Variants in PAK3 observed in about 807,000 individuals in gnomAD.
PAK3 encodes the protein p21 (RAC1) activated kinase 3.
In PAK3, 4 loss-of-function variants were observed where a neutral mutation model predicts 41.0. The ratio of observed to expected loss-of-function variants is 0.10; its 90% CI spans 0.05 to 0.22. The LOEUF (loss-of-function observed/expected upper bound fraction) is 0.22. Ranked by LOEUF, PAK3 falls within the 10% of genes least tolerant of loss-of-function variation. The probability of loss-of-function intolerance (pLI) is 1.00; values close to 1 mark genes in which losing one functional copy is unlikely to be tolerated. For missense variants in PAK3, 205 were observed against 409.9 expected (o/e 0.50, Z 4.32); for synonymous variants, 146 against 139.6 (o/e 1.05, Z -0.32).
At chrX:111,125,661 G>A (rs1209084071) in intron 5 of PAK3, among the ~76,000 whole-genome samples, 1 of 111,450 alleles carries the variant, frequency 9.0e-6, no homozygotes, top group Non-Finnish European at 1.9e-5. Context: ...TAATCATATT[G>A]GACAGAAACA....
chrX:110,975,746 G>T (rs189113417), intron 1 of PAK3, among the ~76,000 whole-genome samples: 1 of 111,331 alleles, frequency 9.0e-6, no homozygotes, highest in Admixed American at 9.6e-5. Context: ...AGCATGGTAC[G>T]GGTACCAAAA....
chrX:111,103,008 AGAGT>A (rs966268401), intron 3 of PAK3, among the ~76,000 whole-genome samples, 147 bp from the exon 4 acceptor site: 36 of 110,241 alleles, frequency 3.3e-4, no homozygotes, highest in East Asian at 1.1e-3. Context: ...AGAGAGAGAG[AGAGT>A]GTGTGTGTGT....
intron 16 of PAK3, among the ~76,000 whole-genome samples, chrX:111,206,800 G>A (rs761484330): frequency 1.8e-5 from 2 of 110,852 alleles, no homozygotes; most frequent in East Asian, 2.8e-4. Flanking sequence ...TGTATATTTG[G>A]CCCTCATTAC....
intron 5 of PAK3, among the ~76,000 whole-genome samples, chrX:111,139,321 A>G (rs1243217131): frequency 8.9e-6 from 1 of 111,780 alleles, no homozygotes; most frequent in Non-Finnish European, 1.9e-5. Context: ...TGAAGTACCC[A>G]AAATGTGGAA....
chrX:111,099,289 A>T (rs1362172720), intron 3 of PAK3, among the ~76,000 whole-genome samples: 1 of 111,940 alleles, frequency 8.9e-6, no homozygotes, highest in Non-Finnish European at 1.9e-5. Context: ...TTTAATTGGA[A>T]ATGTTAATCA....
intron 4 of PAK3, among the ~76,000 whole-genome samples, chrX:111,109,791 G>A (rs1353512726): frequency 8.9e-6 from 1 of 112,058 alleles, no homozygotes; most frequent in East Asian, 2.8e-4. Context: ...CGTCCCAAAC[G>A]CCACAGTGGA....
At chrX:110,951,326 T>C (rs1461131642) in intron 1 of PAK3, among the ~76,000 whole-genome samples, 2 of 112,619 alleles carry the variant, frequency 1.8e-5, no homozygotes, top group East Asian at 5.6e-4. Context: ...ATGTTTATGA[T>C]TTTTGTAAAA....
chrX:111,122,593 G>A (rs1377354556), intron 4 of PAK3, among the ~76,000 whole-genome samples: 1 of 111,435 alleles, frequency 9.0e-6, no homozygotes, highest in Non-Finnish European at 1.9e-5. Flanking sequence ...GTACACACAT[G>A]TAAGAAATAA....
At chrX:110,948,692 C>T (rs1376334218) in intron 1 of PAK3, among the ~76,000 whole-genome samples, 1 of 111,087 alleles carries the variant, frequency 9.0e-6, no homozygotes, top group African/African-American at 3.3e-5. Flanking sequence ...ACAAGGCATT[C>T]AGTCTCTACC....
chrX:111,189,089 A>G (rs2094538561), intron 11 of PAK3, among the ~76,000 whole-genome samples: 2 of 110,896 alleles, frequency 1.8e-5, no homozygotes, highest in Admixed American at 1.9e-4. Context: ...TCCTCACTCT[A>G]GTAGTCCCCA....
At chrX:111,119,632 C>T (rs2093533885) in intron 4 of PAK3, among the ~76,000 whole-genome samples, 1 of 112,167 alleles carries the variant, frequency 8.9e-6, no homozygotes, top group African/African-American at 3.2e-5. Context: ...CAGATTGAAC[C>T]AGCAATCCAT....
chrX:111,050,076 ATCTG>A (rs2092542197), intron 1 of PAK3, among the ~76,000 whole-genome samples: 1 of 111,641 alleles, frequency 9.0e-6, no homozygotes, highest in Admixed American at 9.5e-5. Context: ...ATTTCAAGGG[ATCTG>A]TCTATCACAT....
intron 11 of PAK3, among the ~76,000 whole-genome samples, chrX:111,174,371 G>C (rs959679411): frequency 1.8e-5 from 2 of 110,898 alleles, no homozygotes; most frequent in African/African-American, 6.6e-5. Flanking sequence ...AGACCCTAAG[G>C]GGGACAGAAA....
Position 111,123,174 on chromosome X carries a change from A to T in PAK3, c.71A>T (p.Asp24Val). 20 of 1,201,903 alleles carry T rather than the reference A, an allele frequency of 1.7e-5. No individual in the cohort carries two copies. Among genetic ancestry groups the T allele is most frequent in the Non-Finnish European group, 2.3e-5 (20 of 886,399 alleles). Residue 24 changes from aspartate to valine, a missense_variant, in exon 5 of 18, where the codon GAT (aspartate) becomes GTT (valine). By Grantham distance (152) the Asp-to-Val change is radical. Coordinates refer to ENST00000372007, the MANE Select transcript of PAK3 (RefSeq NM_002578.5). ...CTGAGGATGAATAGTAACAACCGGG[A>T]TTCTTCAGCACTCAACCACAGCTCC... Reference protein sequence around the residue: ...PPLRMNSNNRDSSALNHSSKP... With the variant: ...PPLRMNSNNRVSSALNHSSKP...
At chrX:111,198,476 G>A (rs1170020228) in intron 16 of PAK3, among the ~76,000 whole-genome samples, 2 of 112,216 alleles carry the variant, frequency 1.8e-5, no homozygotes, top group Non-Finnish European at 3.8e-5. Context: ...ATTTAAGTAT[G>A]TAATCCATCT....
intron 1 of PAK3, among the ~76,000 whole-genome samples, chrX:110,974,810 G>A (rs775512915): frequency 8.9e-6 from 1 of 111,738 alleles, no homozygotes; most frequent in Non-Finnish European, 1.9e-5. Flanking sequence ...TTCAACATAT[G>A]CAAATCAATA....
intron 1 of PAK3, among the ~76,000 whole-genome samples, chrX:111,006,330 C>T (rs2091923478): frequency 9.0e-6 from 1 of 111,652 alleles, no homozygotes; most frequent in South Asian, 3.8e-4. Context: ...AGAGGATGTC[C>T]TCCTTCTTAG....
intron 1 of PAK3, among the ~76,000 whole-genome samples, chrX:110,969,094 A>ATTTTTTTTTTTTTTTTTTTTTT (rs60724970): frequency 7.4e-5 from 3 of 40,614 alleles, no homozygotes; most frequent in African/African-American, 1.9e-4. Context: ...GACCTGCCTA[A>ATTTTTTTTTTTTTTTTTTTTTT]TTTTTTTTTT....
chrX:111,163,226 A>G (rs1028401702), intron 9 of PAK3, among the ~76,000 whole-genome samples, 180 bp downstream of exon 9: 1 of 111,946 alleles, frequency 8.9e-6, no homozygotes, highest in African/African-American at 3.2e-5. Context: ...TAGCACATTA[A>G]ACAATTAGAG....
Sources: allele counts gnomAD v4.1 joint callset (sites outside exome capture counted in the v4.1 genomes callset), GRCh38; gene constraint gnomAD v4.1.1; transcripts MANE v1.5; gene names NCBI Gene and HGNC (gene_info 2026-07-23, HGNC 2026-07-21).